The following FIG4 variants were observed in gnomAD, a reference collection of about 807,000 sequenced individuals.
FIG4 encodes the protein polyphosphoinositide phosphatase.
A neutral mutation model predicts 118.6 loss-of-function variants in FIG4; 112 were observed. The observed-to-expected ratio is 0.94, with a 90% confidence interval of 0.81 to 1.11. FIG4 has a LOEUF of 1.11. Ranked by LOEUF, FIG4 falls within the 50% of genes least tolerant of loss-of-function variation. The pLI is 0.00. For missense variants in FIG4, 969 were observed against 1,111.7 expected (o/e 0.87, Z 1.83); for synonymous variants, 369 against 381.2 (o/e 0.97, Z 0.37).
intron 1 of FIG4, among the ~76,000 whole-genome samples, chr6:109,705,329 G>A (rs1008472936): frequency 6.6e-6 from 1 of 152,204 alleles, no homozygotes; most frequent in African/African-American, 2.4e-5. Flanking sequence ...TGGATGGTCA[G>A]CTGCCCACCA....
Position 109,763,968 on chromosome 6 carries a change from A to G in FIG4, c.1420A>G (p.Thr474Ala), listed in dbSNP as rs779588326. ...TGAACTAGGAGGATGTGTGATTCCCACTGGTCGCCTGCAGGTATACACAGT... is the reference window on the plus strand; with the variant it reads ...TGAACTAGGAGGATGTGTGATTCCCGCTGGTCGCCTGCAGGTATACACAGT... ...WNELGGCVIP[T>A]GRLQTGILRT... The change falls in exon 13 of 23, where the codon ACT becomes GCT. Residue 474 changes from threonine (T) to alanine (A), a missense_variant. Transcript: ENST00000230124. 3 of 1,609,404 alleles carry G rather than the reference A, an allele frequency of 1.9e-6. No homozygotes were observed. Among genetic ancestry groups the G allele is most frequent in the Admixed American group, 3.3e-5 (2 of 60,012 alleles).
chr6:109,795,095 G>GTTTTTTTTT lies in FIG4; in HGVS notation c.2460-1638_2460-1630dup, dbSNP rs571649446. Reference sequence around the variant, plus strand: ...TCCTCAAAGCTTCATACACTTGCCAGTTTTTTTTTTTTTTTTTTTTTTTTT... The same window carrying GTTTTTTTTT: ...TCCTCAAAGCTTCATACACTTGCCAGTTTTTTTTTTTTTTTTTTTTTTTTTTTTTTTTTT... On this transcript the variant is annotated intron_variant, in intron 21 of 22. Transcript: ENST00000230124. 3.0e-3 allele frequency among the ~76,000 whole-genome samples: 172 copies of GTTTTTTTTT among 57,248 alleles called. 61 individuals carry two copies. Among genetic ancestry groups the GTTTTTTTTT allele is most frequent in the Non-Finnish European group, 5.4e-3 (155 of 28,706 alleles). 37.6% of individuals were successfully genotyped at this position (57,248 alleles called of 152,430 possible).
chr6:109,741,963 G>T (rs1402741495), intron 8 of FIG4, among the ~76,000 whole-genome samples: 1 of 152,042 alleles, frequency 6.6e-6, no homozygotes, highest in Non-Finnish European at 1.5e-5. Context: ...GTCTGAGATT[G>T]GTTGACTCTG....
chr6:109,752,978 A>C (rs1165257569), intron 10 of FIG4, among the ~76,000 whole-genome samples: 1 of 152,134 alleles, frequency 6.6e-6, no homozygotes, highest in Non-Finnish European at 1.5e-5. Context: ...TTTAGGTCTA[A>C]TGTTTAGTCT....
At chr6:109,795,141 G>C (rs1319330583) in intron 21 of FIG4, among the ~76,000 whole-genome samples, 1 of 71,258 alleles carries the variant, frequency 1.4e-5, no homozygotes, top group African/African-American at 4.2e-5. Flanking sequence ...TTTTTGAGAC[G>C]GAGTCTCGCT....
chr6:109,777,459 C>T (rs1186724405), intron 16 of FIG4, among the ~76,000 whole-genome samples: 1 of 152,188 alleles, frequency 6.6e-6, no homozygotes, highest in Admixed American at 6.5e-5. Context: ...GTTGTAGCTC[C>T]ACTAAAGCAA....
At chr6:109,714,954 G>T (rs1490260975) in intron 1 of FIG4, 124 bp from the exon 2 acceptor site, 6 of 610,226 alleles carry the variant, frequency 9.8e-6, no homozygotes, top group African/African-American at 5.6e-5. Context: ...ATACATAACA[G>T]AAATATTTCT....
intron 4 of FIG4, among the ~76,000 whole-genome samples, chr6:109,731,825 A>G (rs886149877): frequency 6.6e-6 from 1 of 152,220 alleles, no homozygotes; most frequent in Admixed American, 6.5e-5. Context: ...ATGACTGTAT[A>G]TAGTGAAGAC....
chr6:109,799,907 C>T (rs1219548302), intron 22 of FIG4, among the ~76,000 whole-genome samples: 1 of 152,188 alleles, frequency 6.6e-6, no homozygotes, highest in Non-Finnish European at 1.5e-5. Context: ...CCCTGTGAGT[C>T]ATAACCACTC....
At chr6:109,798,312 T>G (rs1279225692) in intron 22 of FIG4, among the ~76,000 whole-genome samples, 1 of 152,172 alleles carries the variant, frequency 6.6e-6, no homozygotes, top group Non-Finnish European at 1.5e-5. Flanking sequence ...AGGATGACCC[T>G]TAGGTTTTTT....
At chr6:109,777,640 C>T (rs567207170) in intron 16 of FIG4, among the ~76,000 whole-genome samples, 19 of 152,312 alleles carry the variant, frequency 1.2e-4, no homozygotes, top group African/African-American at 4.1e-4. Context: ...ACTGGGAAGA[C>T]GGGAAGCTAG....
At chr6:109,762,055 G>GCTT in intron 11 of FIG4, 36 bp from the exon 12 acceptor site, 1 of 1,186,786 alleles carries the variant, frequency 8.4e-7, no homozygotes. Flanking sequence ...TTAAAACTTG[G>GCTT]CTTCTCACTT....
chr6:109,704,199 C>T (rs962345872), intron 1 of FIG4, among the ~76,000 whole-genome samples: 41 of 152,226 alleles, frequency 2.7e-4, no homozygotes, highest in Non-Finnish European at 1.2e-4. Flanking sequence ...TATTACTCTC[C>T]TTCCTGATCC....
intron 1 of FIG4, among the ~76,000 whole-genome samples, chr6:109,692,322 C>T (rs768509317): frequency 3.9e-5 from 6 of 152,180 alleles, no homozygotes; most frequent in Non-Finnish European, 5.9e-5. Flanking sequence ...AACAAGATTG[C>T]ATATGCCAGA....
chr6:109,708,998 T>C (rs1385174431), intron 1 of FIG4, among the ~76,000 whole-genome samples: 1 of 152,242 alleles, frequency 6.6e-6, no homozygotes, highest in East Asian at 1.9e-4. Flanking sequence ...TTGCTTCTGT[T>C]GCAATTGCTT....
At chr6:109,729,040 T>G (rs1344929972) in intron 4 of FIG4, among the ~76,000 whole-genome samples, 1 of 152,134 alleles carries the variant, frequency 6.6e-6, no homozygotes, top group African/African-American at 2.4e-5. Flanking sequence ...AGGAAAAACT[T>G]TTAATACTTA....
rs1280106363 is a variant in FIG4 at position 109,754,545 on chromosome 6, A to AT, written c.1138-5701dup. Among the ~76,000 whole-genome samples the AT allele has an allele frequency of 2.6e-5, 4 of 152,296 alleles. 1 individual carries two copies. The highest frequency in any genetic ancestry group is 6.8e-3 in the Middle Eastern group (2 of 294). On this transcript the variant is annotated intron_variant, in intron 10 of 22. Transcript: ENST00000230124. ...AGTTCCTCCTTGTACCTCTGGTAGA[A>AT]TTTTGCTGTGAATCCATCTGGTCCT...
chr6:109,760,523 A>G (rs539537959), intron 11 of FIG4, 140 bp downstream of exon 11: 5 of 776,150 alleles, frequency 6.4e-6, no homozygotes, highest in South Asian at 6.0e-5. Flanking sequence ...TTTTGAGTGC[A>G]TCAAGAAACT....
chr6:109,786,420 C>T lies in FIG4; in HGVS notation c.2067C>T (p.Thr689=). 1.2e-6 allele frequency: 2 copies of T among 1,613,894 alleles called. No individual in the cohort carries two copies. The highest frequency in any genetic ancestry group is 8.5e-7 in the Non-Finnish European group (1 of 1,179,824). The change falls in exon 18 of 23, where the codon ACC becomes ACT. Residue 689 remains threonine, a synonymous_variant. Transcript: ENST00000230124. ...RPYELSSFDD[T]FCLAMTSSAR... is the part of the protein sequence containing the mutation. ...ATGAGTTGAGCAGCTTTGATGATAC[C>T]TTTTGCTTGGCTATGACAAGCTCAG...
Sources: allele counts gnomAD v4.1 joint callset (sites outside exome capture counted in the v4.1 genomes callset), GRCh38; gene constraint gnomAD v4.1.1; transcripts MANE v1.5; gene names NCBI Gene and HGNC (gene_info 2026-07-23, HGNC 2026-07-21).